The following LZTS1 variants were observed in gnomAD, a reference collection of about 807,000 sequenced individuals.
The protein encoded by LZTS1 is leucine zipper putative tumor suppressor 1.
LZTS1 carries 31 observed loss-of-function variants against 45.8 expected under a neutral mutation model. The ratio of observed to expected loss-of-function variants is 0.68; its 90% CI spans 0.51 to 0.91. The LOEUF (loss-of-function observed/expected upper bound fraction) is 0.91. Ranked by LOEUF, LZTS1 falls within the 40% of genes least tolerant of loss-of-function variation. The pLI is 0.00. For missense variants in LZTS1, 821 were observed against 788.9 expected, an observed-to-expected ratio of 1.04 and a Z score of -0.49; for synonymous variants, 359 against 357.3, an observed-to-expected ratio of 1.00 and a Z score of -0.05.
intron 1 of LZTS1, among the ~76,000 whole-genome samples, chr8:20,300,877 T>A (rs1801063919): frequency 6.6e-6 from 1 of 152,034 alleles, no homozygotes; most frequent in African/African-American, 2.4e-5. Flanking sequence ...CCCAACACTT[T>A]GGGAGGCTGA....
intron 1 of LZTS1, among the ~76,000 whole-genome samples, chr8:20,286,559 T>G (rs1403596019): frequency 1.3e-5 from 2 of 152,050 alleles, no homozygotes; most frequent in Admixed American, 6.6e-5. Flanking sequence ...CTGGAGGGAG[T>G]GCAGACATGC....
chr8:20,251,636 G>A (rs914694752), intron 3 of LZTS1, among the ~76,000 whole-genome samples: 2 of 152,148 alleles, frequency 1.3e-5, no homozygotes, highest in Non-Finnish European at 2.9e-5. Flanking sequence ...TTTGATGGGG[G>A]ATAGGGGTGG....
At chr8:20,278,600 G>A (rs1443788317) in intron 1 of LZTS1, among the ~76,000 whole-genome samples, 1 of 152,162 alleles carries the variant, frequency 6.6e-6, no homozygotes, top group South Asian at 2.1e-4. Context: ...ACTTGCCTCA[G>A]TTTCTCACTC....
rs566804438 is a variant in LZTS1, at chr8:20,282,998, A to T, written c.-135+20742T>A. ...ATAGGACACTTTCTCTTCCATCCTC[A>T]TGCACCATGGAGCATCCCTGGGGGC... On this transcript the variant is annotated intron_variant, in intron 1 of 3. Transcript: ENST00000381569. Among the ~76,000 whole-genome samples, 4 of 152,276 alleles carry T rather than the reference A, an allele frequency of 2.6e-5. No individual in the cohort carries two copies. The South Asian group carries it at 8.3e-4, about 32-fold the overall frequency.
chr8:20,302,697 G>T (rs983185550), intron 1 of LZTS1, among the ~76,000 whole-genome samples: 1 of 152,244 alleles, frequency 6.6e-6, no homozygotes, highest in African/African-American at 2.4e-5. Flanking sequence ...CGGGACCAGA[G>T]AGTAGAGGGG....
chr8:20,260,505 C>T (rs951506162), intron 1 of LZTS1, among the ~76,000 whole-genome samples: 1 of 152,148 alleles, frequency 6.6e-6, no homozygotes, highest in African/African-American at 2.4e-5. Context: ...ATGCTAAAAT[C>T]GCACGCTGCA....
At position 20,252,954 on chromosome 8, in the gene LZTS1, C is replaced by T. The variant is rs200864732; in HGVS notation, c.977G>A (p.Arg326His). 62 of 1,593,352 alleles carry T rather than the reference C, an allele frequency of 3.9e-5. 1 individual carries two copies. Among genetic ancestry groups the T allele is most frequent in the East Asian group, 4.5e-5 (2 of 44,570 alleles). The change falls in exon 3 of 4, where the codon CGC (arginine) becomes CAC (histidine). Residue 326 changes from arginine to histidine, a missense_variant. Transcript: ENST00000381569. Reference sequence around the variant, plus strand: ...CTGCAGGTGCAGGACCTGCTGCGCGCGCTGGCTCTTCTGCGAGGCCTGCTT... The same window carrying T: ...CTGCAGGTGCAGGACCTGCTGCGCGTGCTGGCTCTTCTGCGAGGCCTGCTT... ...KLKQASQKSQ[R>H]AQQVLHLQVL... is the part of the protein sequence containing the mutation.
chr8:20,299,115 C>T (rs973570031), intron 1 of LZTS1, among the ~76,000 whole-genome samples: 3 of 152,130 alleles, frequency 2.0e-5, no homozygotes, highest in Admixed American at 1.3e-4. Context: ...ATTTTTTATG[C>T]ACCACCTCTG....
At chr8:20,257,602 T>G (rs1800135972) in intron 1 of LZTS1, among the ~76,000 whole-genome samples, 1 of 152,072 alleles carries the variant, frequency 6.6e-6, no homozygotes, top group Non-Finnish European at 1.5e-5. Context: ...AGCTATGACA[T>G]GGAAGGTAAA....
chr8:20,281,179 T>A (rs1356547499), intron 1 of LZTS1, among the ~76,000 whole-genome samples: 3 of 152,180 alleles, frequency 2.0e-5, no homozygotes, highest in Non-Finnish European at 2.9e-5. Flanking sequence ...GTTTGTCCCC[T>A]CCAAATCTCA....
intron 1 of LZTS1, among the ~76,000 whole-genome samples, chr8:20,260,259 C>T (rs1261531039): frequency 6.6e-6 from 1 of 152,140 alleles, no homozygotes; most frequent in Non-Finnish European, 1.5e-5. Flanking sequence ...GACAGAGTCT[C>T]ACTCTGTCAC....
At chr8:20,251,851 C>T (rs1033117272) in intron 3 of LZTS1, among the ~76,000 whole-genome samples, 1 of 152,070 alleles carries the variant, frequency 6.6e-6, no homozygotes, top group Non-Finnish European at 1.5e-5. Context: ...ACGTCGATGA[C>T]GGAAATCAGG....
intron 1 of LZTS1, among the ~76,000 whole-genome samples, chr8:20,300,634 C>G (rs972135581): frequency 5.9e-5 from 9 of 152,126 alleles, no homozygotes; most frequent in African/African-American, 2.2e-4. Context: ...GCCCCGCCGC[C>G]AACACTGTAT....
chr8:20,288,726 C>T (rs1384073373), intron 1 of LZTS1, among the ~76,000 whole-genome samples: 1 of 152,178 alleles, frequency 6.6e-6, no homozygotes, highest in Non-Finnish European at 1.5e-5. Context: ...CCCACAGCTT[C>T]CCTGCTCCTC....
At chr8:20,283,994 A>G (rs1800743343) in intron 1 of LZTS1, among the ~76,000 whole-genome samples, 1 of 152,196 alleles carries the variant, frequency 6.6e-6, no homozygotes, top group African/African-American at 2.4e-5. Context: ...CAAGCAATAG[A>G]TGCTCCAACC....
At chr8:20,300,428 G>A (rs761424232) in intron 1 of LZTS1, among the ~76,000 whole-genome samples, 33 of 151,922 alleles carry the variant, frequency 2.2e-4, no homozygotes, top group Non-Finnish European at 4.4e-4. Context: ...CCCCTCCCGG[G>A]TTCACGCCAT....
chr8:20,303,917 C>A lies in LZTS1; in HGVS notation c.-312G>T, dbSNP rs1400775019. The A allele has an allele frequency of 7.1e-6, 7 of 984,008 alleles. No homozygotes were observed. The highest frequency in any genetic ancestry group is 7.0e-5 in the African/African-American group (4 of 57,130). 61.0% of individuals were successfully genotyped at this position (984,008 alleles called of 1,614,324 possible). Reference sequence around the variant, plus strand: ...CGGGCAGAGAAACTTTCGGCCTCCCCGCCCGGCCGCTGCCAACCCGCCAGC... The same window carrying A: ...CGGGCAGAGAAACTTTCGGCCTCCCAGCCCGGCCGCTGCCAACCCGCCAGC... On this transcript the variant is annotated 5_prime_UTR_variant, in exon 1 of 4. Coordinates refer to ENST00000381569, the MANE Select transcript of LZTS1 (RefSeq NM_021020.5).
chr8:20,299,462 G>A (rs1801035541), intron 1 of LZTS1, among the ~76,000 whole-genome samples: 1 of 152,216 alleles, frequency 6.6e-6, no homozygotes, highest in South Asian at 2.1e-4. Flanking sequence ...TGGTTCAGGT[G>A]TGCCAGTTCT....
chr8:20,258,360 A>C (rs1260304249), intron 1 of LZTS1, among the ~76,000 whole-genome samples: 2 of 151,914 alleles, frequency 1.3e-5, no homozygotes, highest in Non-Finnish European at 2.9e-5. Context: ...AAACTTTCTG[A>C]CTCTGTTTTT....
Sources: allele counts gnomAD v4.1 joint callset (sites outside exome capture counted in the v4.1 genomes callset), GRCh38; gene constraint gnomAD v4.1.1; transcripts MANE v1.5; gene names NCBI Gene and HGNC (gene_info 2026-07-23, HGNC 2026-07-21).